ZNF335: variants seen among roughly 807,000 people sequenced by gnomAD.
The protein encoded by ZNF335 is zinc finger protein 335.
A neutral mutation model predicts 145.6 loss-of-function variants in ZNF335; 84 were observed. That is an observed-to-expected ratio of 0.58 (90% CI 0.48 to 0.69). ZNF335 has a LOEUF of 0.69. ZNF335 is among the 30% of genes least tolerant of loss of function. ZNF335 has a pLI of 0.00. For missense variants in ZNF335, 1,865 were observed against 1,809.7 expected, an observed-to-expected ratio of 1.03 and a Z score of -0.55; for synonymous variants, 761 against 717.0, an observed-to-expected ratio of 1.06 and a Z score of -0.98.
At chr20:45,957,485 G>A (rs768791978) in intron 17 of ZNF335, 101 bp downstream of exon 17, 161 of 1,146,388 alleles carry the variant, frequency 1.4e-4, no homozygotes, top group Non-Finnish European at 1.8e-4. Context: ...TCCCAAGGGC[G>A]GAGAAGCTCT....
chr20:45,954,049 T>A (rs1600524784), intron 17 of ZNF335, 101 bp from the exon 18 acceptor site: 3 of 1,393,262 alleles, frequency 2.2e-6, no homozygotes, highest in African/African-American at 1.4e-5. Context: ...ACCCACACAC[T>A]CTAGTCAGAC....
At chr20:45,964,975 G>T (rs1344734367) in intron 7 of ZNF335, among the ~76,000 whole-genome samples, 1 of 151,228 alleles carries the variant, frequency 6.6e-6, no homozygotes, top group African/African-American at 2.4e-5. Context: ...GGGTTGCAGT[G>T]AGCCGAGATC....
Position 45,952,257 on chromosome 20 carries a change from C to T in ZNF335, c.3079G>A (p.Ala1027Thr), listed in dbSNP as rs1262244580. Residue 1027 changes from alanine to threonine, a missense_variant, in exon 20 of 28, where the codon GCC becomes ACC. Ala to Thr is a moderately conservative substitution (Grantham distance 58). Coordinates refer to ENST00000322927, the MANE Select transcript of ZNF335 (RefSeq NM_022095.4). Reference protein sequence around the residue: ...KKFSCKICAEAFPGRAEMESH... With the variant: ...KKFSCKICAETFPGRAEMESH... ...TCCATCTCAGCTCGGCCAGGGAAGG[C>T]CTCGGCACAGATCTTGCAGGAAAAC... is the stretch of plus-strand genomic sequence containing the variant. The T allele has an allele frequency of 3.1e-6, 5 of 1,613,398 alleles. No homozygotes were observed. The highest frequency in any genetic ancestry group is 4.2e-6 in the Non-Finnish European group (5 of 1,180,028).
rs773943475 is a variant in ZNF335 at position 45,950,251 on chromosome 20, T to G, written c.3455A>C (p.Asn1152Thr). The change falls in exon 22 of 28, where the codon AAC (asparagine) becomes ACC (threonine). Residue 1152 changes from asparagine to threonine, a missense_variant. By Grantham distance (65) the Asn-to-Thr change is moderately conservative. Transcript: ENST00000322927. ...TQTPTQTIIL[N>T]SDDETLATLH... is the part of the protein sequence containing the mutation. ...GGTGGCCAGTGTTTCGTCATCACTG[T>G]TCAGGATGATGGTCTGGGTTGGGGT... The G allele has an allele frequency of 1.3e-6, 2 of 1,550,722 alleles. No individual in the cohort carries two copies. The highest frequency in any genetic ancestry group is 3.8e-5 in the Admixed American group (2 of 52,256).
rs2084063186 is a variant in ZNF335, at chr20:45,971,350, C to T, written c.61G>A (p.Glu21Lys). Residue 21 changes from glutamate to lysine, a missense_variant, in exon 2 of 28, where the codon GAG (glutamate) becomes AAG (lysine). Transcript: ENST00000322927. ...ACACCCAGGCCGCTCTCAGAGGGCT[C>T]CTCGGGCCGGCCAGGCCCAGGGGCC... Reference protein sequence around the residue: ...DAAPGPGRPEEPSESGLGVGT... With the variant: ...DAAPGPGRPEKPSESGLGVGT... 1 of 1,600,038 alleles carries T rather than the reference C, an allele frequency of 6.2e-7. No individual in the cohort carries two copies. Among genetic ancestry groups the T allele is most frequent in the Non-Finnish European group, 8.5e-7 (1 of 1,179,510 alleles).
chr20:45,956,093 C>T (rs2083723675), intron 17 of ZNF335, among the ~76,000 whole-genome samples: 1 of 152,062 alleles, frequency 6.6e-6, no homozygotes, highest in Non-Finnish European at 1.5e-5. Context: ...GAACAAAGGT[C>T]TAGGTGTTGG....
intron 9 of ZNF335, among the ~76,000 whole-genome samples, 181 bp from the exon 10 acceptor site, chr20:45,962,363 G>A (rs1001092626): frequency 7.9e-5 from 12 of 152,248 alleles, no homozygotes; most frequent in African/African-American, 2.7e-4. Flanking sequence ...ACTGTCCCCA[G>A]CGAGAGCACC....
Position 45,948,731 on chromosome 20 carries a change from C to T in ZNF335, c.*222G>A, listed in dbSNP as rs1002534496. 3.3e-6 allele frequency: 2 copies of T among 604,914 alleles called. No individual in the cohort carries two copies. The highest frequency in any genetic ancestry group is 6.0e-5 in the East Asian group (2 of 33,160). 37.5% of individuals were successfully genotyped at this position (604,914 alleles called of 1,614,324 possible). A position where few individuals can be genotyped will look rare whatever the true frequency, so the allele number is the denominator to read the frequency against. Reference sequence around the variant, plus strand: ...GGTCCACCCAAACAAAAATAAATTTCTCTCCCAAAGCCTGCCTGCAGGCTG... The same window carrying T: ...GGTCCACCCAAACAAAAATAAATTTTTCTCCCAAAGCCTGCCTGCAGGCTG... On this transcript the variant is annotated 3_prime_UTR_variant, in exon 28 of 28. Transcript: ENST00000322927.
rs762544971 is a variant in ZNF335 at position 45,968,041 on chromosome 20, A to AGGCAATTG, written c.521-22_521-15dup. 22 of 1,611,996 alleles carry AGGCAATTG rather than the reference A, an allele frequency of 1.4e-5. No individual in the cohort carries two copies. In the East Asian group the frequency reaches 4.7e-4, roughly 34 times the overall value. On this transcript the variant is annotated splice_polypyrimidine_tract_variant and intron_variant, in intron 4 of 27. Coordinates refer to ENST00000322927, the MANE Select transcript of ZNF335 (RefSeq NM_022095.4). ...TCATGGGGGCTCCTGGGGATGGGTGAGGCAATTGGAGGGTGGTTAAATGGA... is the reference window on the plus strand; with the variant it reads ...TCATGGGGGCTCCTGGGGATGGGTGAGGCAATTGGGCAATTGGAGGGTGGTTAAATGGA...
intron 15 of ZNF335, 141 bp from the exon 16 acceptor site, chr20:45,958,069 GA>G: frequency 6.7e-6 from 4 of 596,210 alleles, no homozygotes; most frequent in Non-Finnish European, 8.6e-6. Flanking sequence ...TTTTTTTTTT[GA>G]GATGGAGTCT....
intron 16 of ZNF335, 63 bp downstream of exon 16, chr20:45,957,771 AC>A: frequency 6.2e-7 from 1 of 1,603,922 alleles, no homozygotes; most frequent in Non-Finnish European, 8.5e-7. Flanking sequence ...CACCAGCACG[AC>A]CTGCCCCTGC....
At position 45,965,612 on chromosome 20, in the gene ZNF335, C is replaced by G. The variant is rs2083936949; in HGVS notation, c.1102+16G>C. On this transcript the variant is annotated intron_variant, in intron 7 of 27. Transcript: ENST00000322927. The stretch of plus-strand genomic sequence containing the variant: ...CTGACCCACCCACACGAGCCCCTCC[C>G]AAGACCAAGCCTCACCATCTGGGAG... The G allele has an allele frequency of 1.3e-6, 2 of 1,587,864 alleles. No individual in the cohort carries two copies. The highest frequency in any genetic ancestry group is 4.8e-5 in the East Asian group (2 of 41,736).
At position 45,953,876 on chromosome 20, in the gene ZNF335, C is replaced by T; in HGVS notation, c.2515G>A (p.Ala839Thr). 2 of 1,613,746 alleles carry T rather than the reference C, an allele frequency of 1.2e-6. No individual in the cohort carries two copies. The highest frequency in any genetic ancestry group is 2.2e-5 in the South Asian group (2 of 91,028). The change falls in exon 18 of 28, where the codon GCC becomes ACC. Residue 839 changes from alanine (A) to threonine (T), a missense_variant. Ala to Thr is a moderately conservative substitution (Grantham distance 58). Transcript: ENST00000322927. ...SPGGQPSPEG[A>T]TPQVVTLHVA... ...TGGAGGGTGACCACCTGTGGAGTGG[C>T]ACCTTCAGGGGAGGGCTGCCCACCA...
At chr20:45,971,047 C>G (rs962799096) in intron 2 of ZNF335, among the ~76,000 whole-genome samples, 163 bp downstream of exon 2, 2 of 152,204 alleles carry the variant, frequency 1.3e-5, no homozygotes, top group African/African-American at 4.8e-5. Flanking sequence ...AGGTATGAAG[C>G]TCAAATGAGA....
intron 6 of ZNF335, 148 bp downstream of exon 6, chr20:45,967,346 C>A: frequency 2.4e-6 from 3 of 1,248,306 alleles, no homozygotes; most frequent in South Asian, 2.7e-5. Flanking sequence ...AAGTCCTGGT[C>A]CCAGAGCACA....
chr20:45,963,903 G>C lies in ZNF335; in HGVS notation c.1190C>G (p.Pro397Arg). 1 of 1,591,658 alleles carries C rather than the reference G, an allele frequency of 6.3e-7. No homozygotes were observed. Among genetic ancestry groups the C allele is most frequent in the South Asian group, 1.1e-5 (1 of 88,290 alleles). ...CTTGCCCATGGCCACCAGGTGTCCT[G>C]GGCCTGAGGAGCTGGGAGCCTCGGG... ...QDPEAPSSSGPGHLVAMGKVS... is the reference protein window; with the variant it reads ...QDPEAPSSSGRGHLVAMGKVS... Residue 397 changes from proline (P) to arginine (R), a missense_variant, in exon 8 of 28, where the codon CCA becomes CGA. Physicochemically the swap from Pro to Arg is moderately radical, Grantham distance 103. Transcript: ENST00000322927.
In ZNF335 at chr20:45,953,904, G is replaced by C. The variant is rs375732799; in HGVS notation, c.2487C>G (p.Ser829=). The C allele has an allele frequency of 4.3e-6, 7 of 1,611,798 alleles. No homozygotes were observed. Residue 829 remains serine, a synonymous_variant, in exon 18 of 28, where the codon TCC becomes TCG. Coordinates refer to ENST00000322927, the MANE Select transcript of ZNF335 (RefSeq NM_022095.4). ...CTTCAGGGGAGGGCTGCCCACCAGG[G>C]GATGCTAACCCTGCTTCCACATCTT... ...KSEDVEAGLA[S]PGGQPSPEGA... is the part of the protein sequence containing the mutation.
At position 45,949,260 on chromosome 20, in the gene ZNF335, G is replaced by A. The variant is rs764674487; in HGVS notation, c.3820-9C>T. 6 of 1,613,908 alleles carry A rather than the reference G, an allele frequency of 3.7e-6. No homozygotes were observed. The highest frequency in any genetic ancestry group is 5.1e-6 in the Non-Finnish European group (6 of 1,180,014). ...ACAGGCACATACTGGATCTGGAGGGGAGAAGCTGATAAGATGCTGGCCTGG... is the reference window on the plus strand; with the variant it reads ...ACAGGCACATACTGGATCTGGAGGGAAGAAGCTGATAAGATGCTGGCCTGG... On this transcript the variant is annotated splice_polypyrimidine_tract_variant and intron_variant, in intron 26 of 27. Transcript: ENST00000322927.
In ZNF335 at chr20:45,967,407, C is replaced by T. The variant is rs757472764; in HGVS notation, c.955+87G>A. ...ACCTGTGGATGTGTCTGTGCCAATT[C>T]CTCTTTACTGGCCCTCCAAGTGAAA... is the stretch of plus-strand genomic sequence containing the variant. On this transcript the variant is annotated intron_variant, in intron 6 of 27. Transcript: ENST00000322927. 10 of 1,604,160 alleles carry T rather than the reference C, an allele frequency of 6.2e-6. No individual in the cohort carries two copies. In the East Asian group the frequency reaches 2.2e-4, roughly 36 times the overall value.
Sources: gnomAD v4.1 joint callset for allele counts (sites outside exome capture counted in the v4.1 genomes callset) on GRCh38, gnomAD v4.1.1 for gene constraint, MANE v1.5 for transcripts, NCBI Gene and HGNC (gene_info 2026-07-23, HGNC 2026-07-21) for gene names.